NDUFAF7: variants seen among roughly 807,000 people sequenced by gnomAD.
The protein encoded by NDUFAF7 is protein arginine methyltransferase NDUFAF7, mitochondrial.
In NDUFAF7, 48 loss-of-function variants were observed where a neutral mutation model predicts 47.2. The observed-to-expected ratio is 1.02, with a 90% CI of 0.81 to 1.29. The LOEUF is 1.29. NDUFAF7 is among the 50% of genes most tolerant of loss of function. The pLI is 0.00. For missense variants in NDUFAF7, 635 were observed against 537.6 expected (o/e 1.18, Z -1.79); for synonymous variants, 217 against 190.0 (o/e 1.14, Z -1.17).
intron 5 of NDUFAF7, 152 bp downstream of exon 5, chr2:37,241,943 A>T (rs1260123768): frequency 1.5e-6 from 1 of 652,978 alleles, no homozygotes; most frequent in Non-Finnish European, 2.6e-6. Context: ...TCTAGAAAAG[A>T]GCATCTTAAT....
chr2:37,267,612 T>A, the NDUFAF7 span: 1 of 1,042,908 alleles, frequency 9.6e-7, no homozygotes, highest in Non-Finnish European at 1.5e-6. Context: ...AGACTGAAAT[T>A]TATATGTATT....
In NDUFAF7 at chr2:37,249,142, GTAATTTCATAGAA is replaced by G. The variant is rs1667250984; in HGVS notation, c.*793_*805del. On this transcript the variant is annotated 3_prime_UTR_variant, in exon 10 of 10. Transcript: ENST00000002125. ...AAGGAGAAAAACTAAATAAATACGA[GTAATTTCATAGAA>G]ACGAATACACTAGTGTACACTGGTT... 6.6e-6 allele frequency: 1 copy of G among 152,212 alleles called. No homozygotes were observed. Among genetic ancestry groups the G allele is most frequent in the Non-Finnish European group, 1.5e-5 (1 of 68,094 alleles). The allele number at this position is 152,212 out of a possible 1,614,324, so 9.4% of individuals were successfully genotyped here.
At chr2:37,247,137 G>C (rs1471154404) in intron 8 of NDUFAF7, among the ~76,000 whole-genome samples, 3 of 152,164 alleles carry the variant, frequency 2.0e-5, no homozygotes, top group African/African-American at 4.8e-5. Flanking sequence ...AGATGTACAT[G>C]TGGTATTTGG....
chr2:37,246,415 C>A lies in NDUFAF7; in HGVS notation c.936+220C>A, dbSNP rs1305544757. ...TAACAGGATCTGAATTGTGTACATT[C>A]TTCCTTAGTTGTAGAACCTATGTTT... is the stretch of plus-strand genomic sequence containing the variant. On this transcript the variant is annotated intron_variant, in intron 8 of 9. Transcript: ENST00000002125. Among the ~76,000 whole-genome samples the A allele has an allele frequency of 2.6e-5, 4 of 152,280 alleles. No individual in the cohort carries two copies. In the East Asian group the frequency reaches 5.8e-4, roughly 22 times the overall value.
chr2:37,250,268 A>G (rs763663016), downstream of NDUFAF7, among the ~76,000 whole-genome samples: 1 of 152,080 alleles, frequency 6.6e-6, no homozygotes, highest in Non-Finnish European at 1.5e-5. Context: ...GGTTGGGAGA[A>G]TTTTTGAAAG....
chr2:37,259,435 A>C, the NDUFAF7 span: 1 of 531,214 alleles, frequency 1.9e-6, no homozygotes, highest in South Asian at 3.3e-5. Flanking sequence ...TTTAGTTATT[A>C]ATCCTCACTG....
At chr2:37,264,021 C>T in the NDUFAF7 span, among the ~76,000 whole-genome samples, 1 of 152,108 alleles carries the variant, frequency 6.6e-6, no homozygotes, top group Non-Finnish European at 1.5e-5. Context: ...ACCTTTTCTC[C>T]CACTACTCTA....
chr2:37,254,781 T>G (rs1345617415), downstream of NDUFAF7, among the ~76,000 whole-genome samples: 1 of 152,248 alleles, frequency 6.6e-6, no homozygotes, highest in African/African-American at 2.4e-5. Flanking sequence ...TGACTTGGTC[T>G]GGAAAGGCAC....
chr2:37,242,709 A>G lies in NDUFAF7; in HGVS notation c.681+16A>G. ...TAAATTTCAGGTATTGAGGGGGGAA[A>G]AAAGTCATGTCTATAATTGAATACA... On this transcript the variant is annotated intron_variant, in intron 6 of 9. Transcript: ENST00000002125. 2 of 1,560,142 alleles carry G rather than the reference A, an allele frequency of 1.3e-6. No homozygotes were observed. The highest frequency in any genetic ancestry group is 2.2e-5 in the East Asian group (1 of 44,484).
chr2:37,252,914 A>G (rs1237193473), downstream of NDUFAF7: 1 of 224,282 alleles, frequency 4.5e-6, no homozygotes, highest in Non-Finnish European at 8.5e-6. Context: ...AAAGTGAAGG[A>G]TTAAGAAAAA....
the NDUFAF7 span, among the ~76,000 whole-genome samples, chr2:37,265,488 T>TAC: frequency 0.018 from 2,769 of 150,138 alleles, 52 homozygotes; most frequent in African/African-American, 0.049. Context: ...ATCTTTATAC[T>TAC]ACACACACAC....
chr2:37,244,602 C>T (rs1219926446), intron 7 of NDUFAF7, among the ~76,000 whole-genome samples: 1 of 152,086 alleles, frequency 6.6e-6, no homozygotes, highest in Non-Finnish European at 1.5e-5. Flanking sequence ...CAGGAACGTC[C>T]AGGCTTCAGA....
chr2:37,252,587 A>T (rs1667582248), downstream of NDUFAF7: 2 of 152,130 alleles, frequency 1.3e-5, no homozygotes, highest in South Asian at 4.1e-4. Flanking sequence ...GATTGACCTA[A>T]AAAAGAAAGG....
At chr2:37,243,759 A>G in intron 6 of NDUFAF7, 104 bp from the exon 7 acceptor site, 1 of 799,206 alleles carries the variant, frequency 1.3e-6, no homozygotes, top group East Asian at 2.7e-5. Flanking sequence ...GTTCTCTGTA[A>G]ATGTTAGTTA....
chr2:37,248,469 G>A lies in NDUFAF7; in HGVS notation c.*119G>A, dbSNP rs370823845. The A allele has an allele frequency of 2.0e-6, 2 of 1,002,486 alleles. No individual in the cohort carries two copies. The highest frequency in any genetic ancestry group is 3.2e-5 in the African/African-American group (2 of 62,870). The allele number at this position is 1,002,486 out of a possible 1,614,324, so 62.1% of individuals were successfully genotyped here. ...ATTTTATCTTTTCACAGCAAGAACA[G>A]TCCATGTTGTATATAATACAACCAA... On this transcript the variant is annotated 3_prime_UTR_variant, in exon 10 of 10. Coordinates refer to ENST00000002125, the MANE Select transcript of NDUFAF7 (RefSeq NM_144736.5).
intron 4 of NDUFAF7, among the ~76,000 whole-genome samples, chr2:37,241,068 T>C (rs1417993808): frequency 6.6e-6 from 1 of 152,220 alleles, no homozygotes; most frequent in African/African-American, 2.4e-5. Context: ...TTTTCCTTTT[T>C]CCCTTGCATG....
At chr2:37,234,076 T>G (rs1665489778) in intron 2 of NDUFAF7, among the ~76,000 whole-genome samples, 3 of 152,106 alleles carry the variant, frequency 2.0e-5, no homozygotes, top group Non-Finnish European at 4.4e-5. Context: ...GTCTTTGGCT[T>G]GATTATGGGC....
chr2:37,259,684 G>T, the NDUFAF7 span: 3 of 1,596,376 alleles, frequency 1.9e-6, no homozygotes, highest in Non-Finnish European at 2.6e-6. Flanking sequence ...ACAAGTATCT[G>T]TTATGAAAAA....
chr2:37,252,547 A>G (rs1224919699), downstream of NDUFAF7: 2 of 152,158 alleles, frequency 1.3e-5, no homozygotes, highest in African/African-American at 4.8e-5. Context: ...GCAACTCCAA[A>G]AAGGTTAGGA....
Sources: gnomAD v4.1 joint callset for allele counts (sites outside exome capture counted in the v4.1 genomes callset) on GRCh38, gnomAD v4.1.1 for gene constraint, MANE v1.5 for transcripts, NCBI Gene and HGNC (gene_info 2026-07-23, HGNC 2026-07-21) for gene names.